Variants in MRPS27 observed in about 807,000 individuals in gnomAD.
The protein encoded by MRPS27 is small ribosomal subunit protein mS27.
A neutral mutation model predicts 48.9 loss-of-function variants in MRPS27; 43 were observed. That is an observed-to-expected ratio of 0.88 (90% confidence interval 0.69 to 1.13). The LOEUF is 1.13. MRPS27 is among the 50% of genes most tolerant of loss of function. The pLI is 0.00. For missense variants in MRPS27, 467 were observed against 476.3 expected (o/e 0.98, Z 0.18); for synonymous variants, 188 against 171.9 (o/e 1.09, Z -0.73).
At chr5:72,248,304 A>G (rs929166828) in intron 4 of MRPS27, among the ~76,000 whole-genome samples, 1 of 152,238 alleles carries the variant, frequency 6.6e-6, no homozygotes, top group African/African-American at 2.4e-5. Flanking sequence ...TAGGATGACA[A>G]TCATAAGAAG....
At chr5:72,283,701 C>A (rs777475304) in intron 4 of MRPS27, among the ~76,000 whole-genome samples, 3 of 152,126 alleles carry the variant, frequency 2.0e-5, no homozygotes, top group South Asian at 2.1e-4. Context: ...AAGATATGAT[C>A]CAGCAAGCTT....
At chr5:72,261,242 CGTAT>C (rs201550582) in intron 4 of MRPS27, among the ~76,000 whole-genome samples, 2 of 151,700 alleles carry the variant, frequency 1.3e-5, no homozygotes, top group Admixed American at 6.6e-5. Flanking sequence ...GATCAGGAAA[CGTAT>C]GTATGTATGT....
At chr5:72,252,080 T>G (rs1748681711) in intron 4 of MRPS27, among the ~76,000 whole-genome samples, 1 of 152,156 alleles carries the variant, frequency 6.6e-6, no homozygotes, top group Non-Finnish European at 1.5e-5. Context: ...GTTTTTCTCA[T>G]GTTGAAAAAA....
intron 4 of MRPS27, among the ~76,000 whole-genome samples, chr5:72,271,091 C>T (rs1007624654): frequency 6.6e-6 from 1 of 152,170 alleles, no homozygotes; most frequent in Non-Finnish European, 1.5e-5. Flanking sequence ...AAAGACATGT[C>T]TGCTCCCACT....
intron 5 of MRPS27, among the ~76,000 whole-genome samples, chr5:72,235,416 C>CA (rs1355650712): frequency 6.6e-6 from 1 of 152,086 alleles, no homozygotes; most frequent in Non-Finnish European, 1.5e-5. Flanking sequence ...GATGATACTA[C>CA]AATGGTGGAT....
chr5:72,271,794 A>G (rs1749248166), intron 4 of MRPS27, among the ~76,000 whole-genome samples: 1 of 152,188 alleles, frequency 6.6e-6, no homozygotes, highest in South Asian at 2.1e-4. Context: ...TTAGCTGTCT[A>G]TCAGTTAATA....
At chr5:72,244,679 AT>A (rs200839484) in intron 4 of MRPS27, among the ~76,000 whole-genome samples, 2 of 139,624 alleles carry the variant, frequency 1.4e-5, no homozygotes, top group Non-Finnish European at 3.0e-5. Context: ...TTTAATTCCA[AT>A]TTTTTTTTGT....
chr5:72,267,359 G>C (rs1420710376), intron 4 of MRPS27, among the ~76,000 whole-genome samples: 1 of 152,150 alleles, frequency 6.6e-6, no homozygotes, highest in Non-Finnish European at 1.5e-5. Flanking sequence ...ACACAGTCAG[G>C]ATTTTAAATG....
At chr5:72,249,233 C>A (rs1001770352) in intron 4 of MRPS27, among the ~76,000 whole-genome samples, 3 of 152,198 alleles carry the variant, frequency 2.0e-5, no homozygotes, top group African/African-American at 7.2e-5. Context: ...TTACTTATTA[C>A]AACAGAATGG....
chr5:72,254,186 G>C (rs746752643), intron 4 of MRPS27, among the ~76,000 whole-genome samples: 10 of 152,212 alleles, frequency 6.6e-5, no homozygotes, highest in Non-Finnish European at 1.0e-4. Flanking sequence ...CAAGAAGCTA[G>C]AGGAATGGCT....
At chr5:72,278,130 A>G (rs1016657471) in intron 4 of MRPS27, among the ~76,000 whole-genome samples, 1 of 152,136 alleles carries the variant, frequency 6.6e-6, no homozygotes, top group African/African-American at 2.4e-5. Context: ...CCACATACTC[A>G]ACCACCTATC....
chr5:72,312,279 G>GT (rs1041107982), intron 2 of MRPS27, among the ~76,000 whole-genome samples: 3 of 152,004 alleles, frequency 2.0e-5, no homozygotes, highest in Non-Finnish European at 2.9e-5. Flanking sequence ...TATAAGCAAA[G>GT]TTTTTTTAAT....
chr5:72,316,855 C>T (rs1165067365), intron 1 of MRPS27, among the ~76,000 whole-genome samples: 1 of 151,284 alleles, frequency 6.6e-6, no homozygotes, highest in African/African-American at 2.4e-5. Flanking sequence ...CATGGAGAAA[C>T]CTTGCCTCTA....
In MRPS27 at chr5:72,314,073, G is replaced by T. The variant is rs763885636; in HGVS notation, c.151+8C>A. Reference sequence around the variant, plus strand: ...AATGACACATATAATAGTCCAATAGGTACCTACCAAGACAGTAATGTTCTT... The same window carrying T: ...AATGACACATATAATAGTCCAATAGTTACCTACCAAGACAGTAATGTTCTT... On this transcript the variant is annotated splice_region_variant and intron_variant, in intron 2 of 10. Transcript: ENST00000261413. The T allele has an allele frequency of 6.2e-6, 10 of 1,606,924 alleles. No homozygotes were observed. In the Admixed American group the frequency reaches 1.5e-4, roughly 24 times the overall value.
At chr5:72,315,610 C>T (rs1750546755) in intron 1 of MRPS27, among the ~76,000 whole-genome samples, 1 of 149,944 alleles carries the variant, frequency 6.7e-6, no homozygotes, top group South Asian at 2.1e-4. Flanking sequence ...ACACAAATAG[C>T]TAATAATCAT....
At chr5:72,253,923 C>T (rs1748728329) in intron 4 of MRPS27, among the ~76,000 whole-genome samples, 3 of 152,110 alleles carry the variant, frequency 2.0e-5, no homozygotes, top group Admixed American at 2.0e-4. Context: ...AATGTTGCAG[C>T]AATTTCCTTC....
chr5:72,253,108 G>A (rs1299542953), intron 4 of MRPS27, among the ~76,000 whole-genome samples: 1 of 152,096 alleles, frequency 6.6e-6, no homozygotes, highest in African/African-American at 2.4e-5. Context: ...GGCTTTCTGG[G>A]GTCCTATGGT....
At chr5:72,299,412 T>C (rs1750072430) in intron 2 of MRPS27, among the ~76,000 whole-genome samples, 1 of 152,082 alleles carries the variant, frequency 6.6e-6, no homozygotes, top group Non-Finnish European at 1.5e-5. Context: ...TCCTGATAGG[T>C]TCCCCCCAAA....
At chr5:72,256,333 AT>A (rs1178643572) in intron 4 of MRPS27, among the ~76,000 whole-genome samples, 43 of 152,360 alleles carry the variant, frequency 2.8e-4, no homozygotes, top group African/African-American at 1.0e-3. Flanking sequence ...AAAATTTTAA[AT>A]ACTTATATGT....
Sources: allele counts gnomAD v4.1 joint callset (sites outside exome capture counted in the v4.1 genomes callset), GRCh38; gene constraint gnomAD v4.1.1; transcripts MANE v1.5; gene names NCBI Gene and HGNC (gene_info 2026-07-23, HGNC 2026-07-21).